RARS2: variants seen among roughly 807,000 people sequenced by gnomAD.
RARS2 encodes probable arginine--tRNA ligase, mitochondrial.
A neutral mutation model predicts 88.5 loss-of-function variants in RARS2; 67 were observed. The ratio of observed to expected loss-of-function variants is 0.76; its 90% CI spans 0.62 to 0.93. RARS2 has a LOEUF of 0.93. Among genes scored for constraint, RARS2 ranks in the 40% least tolerant of loss-of-function variants. The probability of loss-of-function intolerance (pLI) is 0.00; values close to 1 mark genes in which losing one functional copy is unlikely to be tolerated. For synonymous variants in RARS2, 239 were observed against 230.3 expected, an observed-to-expected ratio of 1.04 and a Z score of -0.34; for missense variants, 664 against 684.2, an observed-to-expected ratio of 0.97 and a Z score of 0.33.
intron 4 of RARS2, among the ~76,000 whole-genome samples, chr6:87,559,353 G>A: frequency 6.6e-6 from 1 of 151,240 alleles, no homozygotes. Context: ...TATAATCCCA[G>A]CTACTTGGGA....
intron 18 of RARS2, among the ~76,000 whole-genome samples, 167 bp from the exon 19 acceptor site, chr6:87,515,187 A>G (rs1377159177): frequency 1.3e-5 from 2 of 152,232 alleles, no homozygotes; most frequent in Non-Finnish European, 2.9e-5. Flanking sequence ...CAAGCTTTAG[A>G]TCTTGGCCCT....
chr6:87,569,687 A>G, intron 1 of RARS2, 97 bp from the exon 2 acceptor site: 4 of 925,196 alleles, frequency 4.3e-6, no homozygotes, highest in Non-Finnish European at 7.0e-6. Context: ...AATACACTTA[A>G]CACGAATGAG....
At position 87,526,645 on chromosome 6, in the gene RARS2, C is replaced by T. The variant is rs567814499; in HGVS notation, c.879-1993G>A. ...TGGAATAGAATAGAGAGCCTAGATA[C>T]AAATTCACACATTTATGGTCAACTG... On this transcript the variant is annotated intron_variant, in intron 10 of 19. Transcript: ENST00000369536. Among the ~76,000 whole-genome samples the T allele has an allele frequency of 2.9e-4, 43 of 150,850 alleles. 1 individual carries two copies. In the South Asian group the frequency reaches 2.9e-3, roughly 10 times the overall value.
At chr6:87,515,093 A>C in intron 18 of RARS2, 73 bp from the exon 19 acceptor site, 1 of 1,121,314 alleles carries the variant, frequency 8.9e-7, no homozygotes, top group Non-Finnish European at 1.4e-6. Context: ...CTTGATATCT[A>C]ATCTTACTCC....
intron 1 of RARS2, among the ~76,000 whole-genome samples, chr6:87,582,697 C>G (rs1773984594): frequency 6.6e-6 from 1 of 152,146 alleles, no homozygotes; most frequent in Non-Finnish European, 1.5e-5. Flanking sequence ...CTGCTGTTTA[C>G]CTTAATGTGG....
intron 1 of RARS2, among the ~76,000 whole-genome samples, chr6:87,569,852 A>G (rs1769090115): frequency 6.6e-6 from 1 of 152,070 alleles, no homozygotes; most frequent in South Asian, 2.1e-4. Context: ...ATAAATTAAC[A>G]GAACTGTTTA....
intron 1 of RARS2, among the ~76,000 whole-genome samples, chr6:87,579,895 A>G (rs1441235362): frequency 5.9e-5 from 9 of 151,722 alleles, no homozygotes; most frequent in Non-Finnish European, 8.8e-5. Flanking sequence ...ACAGGCACCC[A>G]CTATGCCCAG....
chr6:87,530,521 AAG>A lies in RARS2; in HGVS notation c.771+261_771+262del, dbSNP rs528757405. 8.5e-5 allele frequency among the ~76,000 whole-genome samples: 13 copies of A among 152,332 alleles called. No homozygotes were observed. The South Asian group carries it at 2.5e-3, about 29-fold the overall frequency. On this transcript the variant is annotated intron_variant, in intron 9 of 19. Coordinates refer to ENST00000369536, the MANE Select transcript of RARS2 (RefSeq NM_020320.5). ...ATCACATACCAGCCTAAGGAAGTGA[AAG>A]AACAAAAAATAAATATGAAAAAGTG...
At position 87,589,829 on chromosome 6, in the gene RARS2, C is replaced by T. The variant is rs2128238011; in HGVS notation, c.36+93G>A. ...ACTAACAGGATTCCGTGGGACCCAC[C>T]CTCCAGCTGACTGAGGACTGGCCCG... On this transcript the variant is annotated intron_variant, in intron 1 of 19. Coordinates refer to ENST00000369536, the MANE Select transcript of RARS2 (RefSeq NM_020320.5). The T allele has an allele frequency of 6.2e-7, 1 of 1,613,430 alleles. No homozygotes were observed. Among genetic ancestry groups the T allele is most frequent in the Non-Finnish European group, 8.5e-7 (1 of 1,179,604 alleles).
At chr6:87,562,843 G>A in intron 3 of RARS2, 58 bp from the exon 4 acceptor site, 1 of 1,316,030 alleles carries the variant, frequency 7.6e-7, no homozygotes, top group South Asian at 1.2e-5. Flanking sequence ...AATGAGATAG[G>A]TAGTTCTAAT....
intron 11 of RARS2, among the ~76,000 whole-genome samples, chr6:87,523,332 A>G (rs1774591136): frequency 6.6e-6 from 1 of 152,216 alleles, no homozygotes; most frequent in Non-Finnish European, 1.5e-5. Flanking sequence ...CCAGGTCTCC[A>G]GCCTCACACT....
chr6:87,564,263 T>C (rs770190594), intron 2 of RARS2, 31 bp from the exon 3 acceptor site: 1 of 1,460,786 alleles, frequency 6.8e-7, no homozygotes, highest in South Asian at 1.1e-5. Flanking sequence ...GAGATAGAAC[T>C]GTTACCTTAA....
At chr6:87,582,031 T>G (rs1415561253) in intron 1 of RARS2, among the ~76,000 whole-genome samples, 1 of 152,216 alleles carries the variant, frequency 6.6e-6, no homozygotes, top group Non-Finnish European at 1.5e-5. Flanking sequence ...GTTGATTCCA[T>G]GTCTTTGCTA....
chr6:87,589,866 G>T, intron 1 of RARS2, 56 bp downstream of exon 1: 1 of 1,614,118 alleles, frequency 6.2e-7, no homozygotes, highest in Non-Finnish European at 8.5e-7. Flanking sequence ...AGCGGTGAAA[G>T]GCCTTTGGGG....
At chr6:87,546,637 T>C (rs1358698328) in intron 6 of RARS2, among the ~76,000 whole-genome samples, 1 of 152,222 alleles carries the variant, frequency 6.6e-6, no homozygotes, top group Non-Finnish European at 1.5e-5. Flanking sequence ...GGTTCCATAG[T>C]GCAGTTTTGG....
At chr6:87,576,991 T>C (rs1393708201) in intron 1 of RARS2, among the ~76,000 whole-genome samples, 2 of 152,260 alleles carry the variant, frequency 1.3e-5, no homozygotes, top group African/African-American at 4.8e-5. Context: ...GATAAAGAAG[T>C]TGCAAAGTAG....
At position 87,530,768 on chromosome 6, in the gene RARS2, G is replaced by A. The variant is rs752788871; in HGVS notation, c.771+16C>T. 6.2e-7 allele frequency: 1 copy of A among 1,613,924 alleles called. No individual in the cohort carries two copies. Among genetic ancestry groups the A allele is most frequent in the Admixed American group, 1.7e-5 (1 of 60,014 alleles). ...CACTGCATCATGGGAAAGCAGAAGG[G>A]AGGGTCAACCAATACCTTGTAAACC... is the stretch of plus-strand genomic sequence containing the variant. On this transcript the variant is annotated intron_variant, in intron 9 of 19. Coordinates refer to ENST00000369536, the MANE Select transcript of RARS2 (RefSeq NM_020320.5).
intron 8 of RARS2, among the ~76,000 whole-genome samples, chr6:87,531,417 T>C (rs530823125): frequency 1.3e-5 from 2 of 152,348 alleles, no homozygotes; most frequent in East Asian, 1.9e-4. Flanking sequence ...TAAAGTAGGA[T>C]GGCTCGATCT....
chr6:87,516,726 A>G, intron 18 of RARS2, 80 bp downstream of exon 18: 1 of 1,576,986 alleles, frequency 6.3e-7, no homozygotes, highest in Non-Finnish European at 8.6e-7. Context: ...AGGCCAAGGA[A>G]TTTGTTTACA....
Sources: gnomAD v4.1 joint callset for allele counts (sites outside exome capture counted in the v4.1 genomes callset) on GRCh38, gnomAD v4.1.1 for gene constraint, MANE v1.5 for transcripts, NCBI Gene and HGNC (gene_info 2026-07-23, HGNC 2026-07-21) for gene names.